ZNF487: variants seen among roughly 807,000 people sequenced by gnomAD.
ZNF487 encodes KRAB domain only 1.
In ZNF487, 4 loss-of-function variants were observed where a neutral mutation model predicts 3.0. The observed-to-expected ratio is 1.35, with a 90% CI of 0.66 to 3.08. The LOEUF (loss-of-function observed/expected upper bound fraction) is 3.08. Among genes scored for constraint, ZNF487 ranks in the 30% most tolerant of loss-of-function variants. ZNF487 has a pLI of 0.01. For synonymous variants in ZNF487, 55 were observed against 34.6 expected (o/e 1.59, Z -2.06); for missense variants, 146 against 98.7 (o/e 1.48, Z -2.03).
the ZNF487 span, among the ~76,000 whole-genome samples, chr10:43,521,922 A>AT: frequency 6.6e-6 from 1 of 151,308 alleles, no homozygotes; most frequent in East Asian, 1.9e-4. Flanking sequence ...TATATACAAA[A>AT]AGAGTTGTGT....
At chr10:43,452,002 T>G (rs1318848185) in intron 1 of ZNF487, 2 of 152,278 alleles carry the variant, frequency 1.3e-5, no homozygotes, top group African/African-American at 4.8e-5. Context: ...GAAACCTGCA[T>G]GATGAGAACA....
chr10:43,470,357 G>A (rs1840860961), intron 1 of ZNF487, among the ~76,000 whole-genome samples: 1 of 151,768 alleles, frequency 6.6e-6, no homozygotes, highest in Non-Finnish European at 1.5e-5. Flanking sequence ...GGGACTACAG[G>A]TGCATGCCAC....
At chr10:43,471,373 T>A (rs930005679) in intron 1 of ZNF487, among the ~76,000 whole-genome samples, 1 of 152,140 alleles carries the variant, frequency 6.6e-6, no homozygotes, top group African/African-American at 2.4e-5. Flanking sequence ...AGAGGGAGTG[T>A]TACGGTGCTC....
chr10:43,487,864 C>A (rs954273984), downstream of ZNF487, among the ~76,000 whole-genome samples: 14 of 147,450 alleles, frequency 9.5e-5, no homozygotes, highest in African/African-American at 3.3e-4. Context: ...GTGGGTGGAT[C>A]ACCTGAGGTC....
At chr10:43,512,300 G>C in the ZNF487 span, among the ~76,000 whole-genome samples, 1 of 152,196 alleles carries the variant, frequency 6.6e-6, no homozygotes, top group Non-Finnish European at 1.5e-5. Flanking sequence ...ATGGGCATTT[G>C]AGCCACTTCC....
At chr10:43,457,904 C>T (rs1840276610) in intron 1 of ZNF487, among the ~76,000 whole-genome samples, 1 of 151,580 alleles carries the variant, frequency 6.6e-6, no homozygotes, top group South Asian at 2.1e-4. Context: ...CGCCTGTAGT[C>T]CCAGCTACTC....
chr10:43,470,727 C>G (rs1437552985), intron 1 of ZNF487, among the ~76,000 whole-genome samples: 1 of 152,154 alleles, frequency 6.6e-6, no homozygotes, highest in Non-Finnish European at 1.5e-5. Context: ...CCATGTTGCC[C>G]AGGCTGGTGT....
the ZNF487 span, among the ~76,000 whole-genome samples, chr10:43,493,706 AAAAATAT>A: frequency 6.5e-5 from 4 of 61,382 alleles, no homozygotes; most frequent in Non-Finnish European, 1.3e-4. Context: ...AAAAAAAAAA[AAAAATAT>A]ATATATATAT....
intron 1 of ZNF487, among the ~76,000 whole-genome samples, chr10:43,444,041 A>G (rs982275587): frequency 8.6e-5 from 13 of 151,294 alleles, no homozygotes; most frequent in Non-Finnish European, 1.9e-4. Flanking sequence ...TTTAGTAGAG[A>G]TGGGGTTTTC....
At chr10:43,492,137 G>A in the ZNF487 span, among the ~76,000 whole-genome samples, 1 of 151,670 alleles carries the variant, frequency 6.6e-6, no homozygotes, top group East Asian at 1.9e-4. Flanking sequence ...TGTGAAGATG[G>A]GGTTTTGCCA....
chr10:43,458,855 A>T (rs943993375), intron 1 of ZNF487, among the ~76,000 whole-genome samples: 6 of 152,030 alleles, frequency 3.9e-5, no homozygotes, highest in African/African-American at 1.2e-4. Context: ...AGAAGCTGGG[A>T]TAGCTGCATG....
chr10:43,456,369 G>C (rs1040466600), intron 1 of ZNF487, among the ~76,000 whole-genome samples: 1 of 152,178 alleles, frequency 6.6e-6, no homozygotes, highest in African/African-American at 2.4e-5. Flanking sequence ...GGCTGAGGAA[G>C]AGCACGGCCC....
At chr10:43,451,302 A>G (rs1013821876) in intron 1 of ZNF487, among the ~76,000 whole-genome samples, 5 of 151,274 alleles carry the variant, frequency 3.3e-5, no homozygotes, top group Admixed American at 1.3e-4. Context: ...CTGGAGTGCA[A>G]TGGTGCGATC....
chr10:43,453,778 TCACA>T, intron 1 of ZNF487: 1 of 151,866 alleles, frequency 6.6e-6, no homozygotes, highest in East Asian at 1.9e-4. Context: ...ATGCGAAAAC[TCACA>T]GTTAATATAC....
chr10:43,486,811 T>C (rs1437368953), downstream of ZNF487, among the ~76,000 whole-genome samples: 2 of 152,046 alleles, frequency 1.3e-5, no homozygotes, highest in African/African-American at 4.8e-5. Context: ...TTATGACAGA[T>C]CAAAGAGATT....
chr10:43,508,085 G>A, the ZNF487 span, among the ~76,000 whole-genome samples: 8 of 152,110 alleles, frequency 5.3e-5, no homozygotes, highest in African/African-American at 1.9e-4. Flanking sequence ...CTCCTCTGTA[G>A]GGTCATAGGG....
chr10:43,450,420 T>C (rs1174629759), intron 1 of ZNF487, among the ~76,000 whole-genome samples: 2 of 151,964 alleles, frequency 1.3e-5, no homozygotes, highest in Non-Finnish European at 2.9e-5. Context: ...TGGTGAGATA[T>C]CGGCTCACCA....
chr10:43,441,797 G>T (rs1349879143), intron 1 of ZNF487, among the ~76,000 whole-genome samples: 1 of 152,114 alleles, frequency 6.6e-6, no homozygotes, highest in African/African-American at 2.4e-5. Context: ...ATGTTGGCCA[G>T]GCATGTCTTG....
rs574953068 is a variant in ZNF487, at chr10:43,475,098, G to C, written c.-93-623G>C. On this transcript the variant is annotated intron_variant, in intron 1 of 3. Coordinates refer to ENST00000437590, the MANE Select transcript of ZNF487 (RefSeq NM_001355444.3). ...GCATGTGCAGACAAGACCCTGGGCA[G>C]ATTCCCTTATCTGCAGAAAAGCATC... Among the ~76,000 whole-genome samples the C allele has an allele frequency of 3.9e-5, 6 of 152,246 alleles. No individual in the cohort carries two copies. In the East Asian group the frequency reaches 1.2e-3, roughly 29 times the overall value.
Sources: allele counts gnomAD v4.1 joint callset (sites outside exome capture counted in the v4.1 genomes callset), GRCh38; gene constraint gnomAD v4.1.1; transcripts MANE v1.5; gene names NCBI Gene and HGNC (gene_info 2026-07-23, HGNC 2026-07-21).